The following SCHIP1 variants were observed in gnomAD, a reference collection of about 807,000 sequenced individuals.
The protein encoded by SCHIP1 is schwannomin interacting protein 1.
In SCHIP1, 8 loss-of-function variants were observed where a neutral mutation model predicts 29.7. The ratio of observed to expected loss-of-function variants is 0.27; its 90% confidence interval spans 0.16 to 0.49. The LOEUF (loss-of-function observed/expected upper bound fraction) is 0.49. Ranked by LOEUF, SCHIP1 falls within the 20% of genes least tolerant of loss-of-function variation. SCHIP1 has a pLI of 0.99. For missense variants in SCHIP1, 193 were observed against 294.6 expected (o/e 0.66, Z 2.52); for synonymous variants, 76 against 94.9 (o/e 0.80, Z 1.16).
chr3:159,615,779 TA>T, the SCHIP1 span, among the ~76,000 whole-genome samples: 59 of 152,346 alleles, frequency 3.9e-4, no homozygotes, highest in Non-Finnish European at 6.2e-4. Flanking sequence ...TGAATGACAG[TA>T]CTATTTACAA....
the SCHIP1 span, among the ~76,000 whole-genome samples, chr3:159,330,342 TATTAAGAATG>T: frequency 6.6e-6 from 1 of 152,210 alleles, no homozygotes; most frequent in African/African-American, 2.4e-5. Context: ...ATGAGAAATG[TATTAAGAATG>T]ATGGATAATT....
chr3:159,473,982 A>T, the SCHIP1 span, among the ~76,000 whole-genome samples: 1 of 152,050 alleles, frequency 6.6e-6, no homozygotes, highest in African/African-American at 2.4e-5. Context: ...ATAGTTTTTC[A>T]TTCCAAAATG....
chr3:159,873,366 T>C (rs960231968), intron 2 of SCHIP1, among the ~76,000 whole-genome samples: 4 of 152,256 alleles, frequency 2.6e-5, no homozygotes, highest in Admixed American at 6.5e-5. Flanking sequence ...ACTAACTCCA[T>C]GCACAGTATG....
chr3:159,492,341 T>C, the SCHIP1 span, among the ~76,000 whole-genome samples: 33 of 152,228 alleles, frequency 2.2e-4, 1 homozygote, highest in African/African-American at 7.7e-4. Flanking sequence ...GCAAAGAAGT[T>C]AAAAACTTTG....
the SCHIP1 span, among the ~76,000 whole-genome samples, chr3:159,735,998 A>G: frequency 6.6e-6 from 1 of 151,096 alleles, no homozygotes; most frequent in Admixed American, 6.7e-5. Context: ...CAGGGAAAGC[A>G]TGAAATGTGC....
the SCHIP1 span, among the ~76,000 whole-genome samples, chr3:159,607,386 A>G: frequency 6.6e-6 from 1 of 152,210 alleles, no homozygotes; most frequent in South Asian, 2.1e-4. Flanking sequence ...GGAAGGAGGT[A>G]GGTAGCATAT....
chr3:159,386,413 C>CAT, the SCHIP1 span, among the ~76,000 whole-genome samples: 1 of 152,128 alleles, frequency 6.6e-6, no homozygotes, highest in African/African-American at 2.4e-5. Flanking sequence ...ATTCCACGCT[C>CAT]GTGGATACAC....
At chr3:159,763,240 T>A in the SCHIP1 span, among the ~76,000 whole-genome samples, 1 of 151,336 alleles carries the variant, frequency 6.6e-6, no homozygotes, top group African/African-American at 2.4e-5. Context: ...TGATGGTGCA[T>A]GACCACCGAG....
chr3:159,690,682 G>C, the SCHIP1 span, among the ~76,000 whole-genome samples: 3 of 152,110 alleles, frequency 2.0e-5, no homozygotes, highest in African/African-American at 7.2e-5. Context: ...ATTTAATTGT[G>C]ATGTTAGGGT....
At chr3:159,366,555 T>C in the SCHIP1 span, among the ~76,000 whole-genome samples, 1 of 152,150 alleles carries the variant, frequency 6.6e-6, no homozygotes, top group Non-Finnish European at 1.5e-5. Context: ...TAATATCCAC[T>C]TCACATGGTG....
the SCHIP1 span, among the ~76,000 whole-genome samples, chr3:159,626,124 A>C: frequency 3.1e-4 from 38 of 123,316 alleles, 1 homozygote; most frequent in Non-Finnish European, 3.9e-4. Flanking sequence ...ATAGATAGAT[A>C]GATAGATAGA....
At chr3:159,367,637 A>G in the SCHIP1 span, among the ~76,000 whole-genome samples, 3 of 152,198 alleles carry the variant, frequency 2.0e-5, no homozygotes, top group Non-Finnish European at 4.4e-5. Context: ...GTTAGGACAC[A>G]TGGGCTTTCC....
the SCHIP1 span, among the ~76,000 whole-genome samples, chr3:159,708,341 G>A: frequency 6.6e-6 from 1 of 152,204 alleles, no homozygotes; most frequent in Non-Finnish European, 1.5e-5. Flanking sequence ...AAGAGAGATG[G>A]TAAGATAAAA....
At chr3:159,368,735 G>GT in the SCHIP1 span, among the ~76,000 whole-genome samples, 1 of 146,994 alleles carries the variant, frequency 6.8e-6, no homozygotes, top group African/African-American at 2.5e-5. Flanking sequence ...AGAGATAGGG[G>GT]TAGAGAAATG....
the SCHIP1 span, among the ~76,000 whole-genome samples, chr3:159,741,164 T>G: frequency 3.8e-4 from 58 of 152,338 alleles, 1 homozygote; most frequent in African/African-American, 1.3e-3. Context: ...CAATAAATGT[T>G]TATTGTTGAA....
chr3:159,403,685 G>T, the SCHIP1 span, among the ~76,000 whole-genome samples: 1 of 152,146 alleles, frequency 6.6e-6, no homozygotes, highest in African/African-American at 2.4e-5. Flanking sequence ...AAGTTCTCTG[G>T]GGCCTTAAAT....
At chr3:159,416,179 G>A in the SCHIP1 span, among the ~76,000 whole-genome samples, 1 of 152,086 alleles carries the variant, frequency 6.6e-6, no homozygotes, top group Non-Finnish European at 1.5e-5. Context: ...CTTTGCATCA[G>A]TGTGCCCTCT....
chr3:159,302,872 A>G, the SCHIP1 span, among the ~76,000 whole-genome samples: 4 of 152,174 alleles, frequency 2.6e-5, no homozygotes, highest in Admixed American at 6.5e-5. Flanking sequence ...TATCATACAA[A>G]GAGAAAACCA....
chr3:159,328,062 T>G, the SCHIP1 span, among the ~76,000 whole-genome samples: 1 of 152,228 alleles, frequency 6.6e-6, no homozygotes, highest in African/African-American at 2.4e-5. Context: ...AGATCCTTTA[T>G]AGCCTTACAG....
Sources: gnomAD v4.1 joint callset for allele counts (sites outside exome capture counted in the v4.1 genomes callset) on GRCh38, gnomAD v4.1.1 for gene constraint, MANE v1.5 for transcripts, NCBI Gene and HGNC (gene_info 2026-07-23, HGNC 2026-07-21) for gene names.